Variants in PAQR5 observed in about 807,000 individuals in gnomAD.
The protein encoded by PAQR5 is progestin and adipoQ receptor family member 5.
A neutral mutation model predicts 34.5 loss-of-function variants in PAQR5; 20 were observed. That is an observed-to-expected ratio of 0.58 (90% CI 0.41 to 0.84). PAQR5 has a LOEUF of 0.84. Among genes scored for constraint, PAQR5 ranks in the 40% least tolerant of loss-of-function variants. PAQR5 has a pLI of 0.00. For synonymous variants in PAQR5, 131 were observed against 155.6 expected (o/e 0.84, Z 1.18); for missense variants, 378 against 412.7 (o/e 0.92, Z 0.73).
At chr15:69,389,925 T>C in intron 6 of PAQR5, 145 bp downstream of exon 6, 1 of 929,858 alleles carries the variant, frequency 1.1e-6, no homozygotes, top group Non-Finnish European at 1.6e-6. Flanking sequence ...GGACTTCCTA[T>C]GCTGGCAAAA....
At chr15:69,401,132 T>G (rs1002705724) in intron 8 of PAQR5, 2 of 152,232 alleles carry the variant, frequency 1.3e-5, no homozygotes, top group Non-Finnish European at 2.9e-5. Context: ...AGAATGTGCC[T>G]CCTCCGCTCT....
chr15:69,377,992 G>A (rs1328459127), intron 3 of PAQR5, among the ~76,000 whole-genome samples: 6 of 152,066 alleles, frequency 3.9e-5, no homozygotes, highest in South Asian at 2.1e-4. Flanking sequence ...GCTGGGCGTG[G>A]TAGCTCATGC....
At chr15:69,378,471 A>G (rs1047906201) in intron 3 of PAQR5, among the ~76,000 whole-genome samples, 25 of 147,410 alleles carry the variant, frequency 1.7e-4, no homozygotes, top group Admixed American at 1.1e-3. Context: ...AGAGAGAGAG[A>G]TAGCACAGAC....
chr15:69,394,194 C>G (rs1284915578), intron 6 of PAQR5, among the ~76,000 whole-genome samples: 1 of 124,684 alleles, frequency 8.0e-6, no homozygotes, highest in Non-Finnish European at 1.7e-5. Flanking sequence ...TTAATTTTCA[C>G]CCATGAGCTC....
chr15:69,389,978 G>A lies in PAQR5; in HGVS notation c.512+198G>A, dbSNP rs113345303. 6.4e-3 allele frequency among the ~76,000 whole-genome samples: 973 copies of A among 152,288 alleles called. 10 individuals carry two copies. The highest frequency in any genetic ancestry group is 0.022 in the African/African-American group (931 of 41,554). On this transcript the variant is annotated intron_variant, in intron 6 of 8. Transcript: ENST00000395407. ...CAAGCTCCAGGCCTCCATGCTCAGAGAGTCTCATACTTGGTTTAATACTCT... is the reference window on the plus strand; with the variant it reads ...CAAGCTCCAGGCCTCCATGCTCAGAAAGTCTCATACTTGGTTTAATACTCT...
chr15:69,325,440 T>C (rs750248246), intron 1 of PAQR5, among the ~76,000 whole-genome samples: 1 of 152,080 alleles, frequency 6.6e-6, no homozygotes. Flanking sequence ...TGCTTTACTA[T>C]TAGATGTGCC....
At chr15:69,317,221 G>A (rs928315312) in intron 1 of PAQR5, among the ~76,000 whole-genome samples, 3 of 152,190 alleles carry the variant, frequency 2.0e-5, no homozygotes, top group East Asian at 1.9e-4. Context: ...GAGGGGCTTC[G>A]GGACTCAAAG....
intron 2 of PAQR5, among the ~76,000 whole-genome samples, chr15:69,350,100 A>G (rs2140784915): frequency 6.6e-6 from 1 of 152,318 alleles, no homozygotes. Context: ...TTAATTGGAA[A>G]AGTTAAATGC....
rs545437585 is a variant in PAQR5 at position 69,324,924 on chromosome 15, A to C, written c.-276-12417A>C. Among the ~76,000 whole-genome samples, 54 of 144,902 alleles carry C rather than the reference A, an allele frequency of 3.7e-4. 1 individual carries two copies. In the East Asian group the frequency reaches 6.8e-3, roughly 18 times the overall value. On this transcript the variant is annotated intron_variant, in intron 1 of 8. Coordinates refer to ENST00000395407, the MANE Select transcript of PAQR5 (RefSeq NM_017705.4). ...TTTTTTTTTTTTTTTTCTGAGGTAG[A>C]GTCTTGCTCTGTTGCCCAGGCTGGA...
chr15:69,384,975 G>A (rs1249592425), intron 5 of PAQR5, 93 bp downstream of exon 5: 10 of 893,462 alleles, frequency 1.1e-5, no homozygotes, highest in African/African-American at 3.3e-5. Flanking sequence ...GCTTTGATGA[G>A]TTTGCAGAAG....
intron 1 of PAQR5, among the ~76,000 whole-genome samples, chr15:69,332,014 AC>A (rs2054390660): frequency 1.3e-5 from 2 of 152,192 alleles, no homozygotes; most frequent in Non-Finnish European, 2.9e-5. Context: ...GAGAAAGAGA[AC>A]CCAGAAACCG....
At chr15:69,378,137 G>A (rs1037523668) in intron 3 of PAQR5, among the ~76,000 whole-genome samples, 2 of 151,588 alleles carry the variant, frequency 1.3e-5, no homozygotes, top group African/African-American at 4.8e-5. Context: ...TGTGGCATGC[G>A]CTTGTAATCC....
intron 8 of PAQR5, among the ~76,000 whole-genome samples, chr15:69,402,277 T>C (rs1389934954): frequency 6.6e-6 from 1 of 152,176 alleles, no homozygotes; most frequent in African/African-American, 2.4e-5. Context: ...ACATGATCTT[T>C]TTCTTGTATA....
chr15:69,353,064 C>T (rs1024258986), intron 2 of PAQR5, among the ~76,000 whole-genome samples: 4 of 152,184 alleles, frequency 2.6e-5, no homozygotes, highest in Admixed American at 1.3e-4. Context: ...AATAAAGTGG[C>T]CATGGTGGCA....
At chr15:69,307,800 G>A (rs889634323) in intron 1 of PAQR5, among the ~76,000 whole-genome samples, 4 of 152,212 alleles carry the variant, frequency 2.6e-5, no homozygotes, top group African/African-American at 7.2e-5. Flanking sequence ...TGTGGCTGTC[G>A]GTGGGGTGGT....
chr15:69,325,071 G>C (rs1025857207), intron 1 of PAQR5, among the ~76,000 whole-genome samples: 6 of 152,028 alleles, frequency 3.9e-5, no homozygotes, highest in Non-Finnish European at 8.8e-5. Context: ...GCTAATTTTT[G>C]TATTTTTAGT....
chr15:69,361,049 G>GT (rs1192012165), intron 3 of PAQR5, among the ~76,000 whole-genome samples: 2 of 152,232 alleles, frequency 1.3e-5, no homozygotes, highest in Non-Finnish European at 2.9e-5. Context: ...GTGCAGAGCT[G>GT]TTTGGTGGGG....
intron 1 of PAQR5, among the ~76,000 whole-genome samples, chr15:69,300,336 A>G (rs1475557707): frequency 6.6e-6 from 1 of 152,052 alleles, no homozygotes; most frequent in Non-Finnish European, 1.5e-5. Context: ...TAGCAATAGT[A>G]CCTGGCACAC....
At chr15:69,312,128 G>T (rs551708371) in intron 1 of PAQR5, among the ~76,000 whole-genome samples, 18 of 152,246 alleles carry the variant, frequency 1.2e-4, no homozygotes, top group African/African-American at 2.2e-4. Flanking sequence ...GGGTGTGTTT[G>T]GGTGTCCGGG....
Sources: allele counts gnomAD v4.1 joint callset (sites outside exome capture counted in the v4.1 genomes callset), GRCh38; gene constraint gnomAD v4.1.1; transcripts MANE v1.5; gene names NCBI Gene and HGNC (gene_info 2026-07-23, HGNC 2026-07-21).